The following COL4A5 variants were observed in gnomAD, a reference collection of about 807,000 sequenced individuals.
COL4A5 encodes the protein collagen type IV alpha 5 chain, also known as collagen alpha-5(IV) chain.
A neutral mutation model predicts 130.2 loss-of-function variants in COL4A5; 26 were observed. The ratio of observed to expected loss-of-function variants is 0.20; its 90% CI spans 0.15 to 0.28. The LOEUF (loss-of-function observed/expected upper bound fraction) is 0.28, where lower values mean the gene tolerates loss of function less well. COL4A5 is among the 10% of genes least tolerant of loss of function. The pLI is 1.00. For missense variants in COL4A5, 1,131 were observed against 1,344.3 expected, an observed-to-expected ratio of 0.84 and a Z score of 2.48; for synonymous variants, 496 against 439.6, an observed-to-expected ratio of 1.13 and a Z score of -1.60.
At chrX:108,546,035 A>T (rs776017567) in intron 2 of COL4A5, among the ~76,000 whole-genome samples, 1 of 111,475 alleles carries the variant, frequency 9.0e-6, no homozygotes, top group East Asian at 2.8e-4. Context: ...TGAATACAGC[A>T]CCCTGGTGGG....
Position 108,666,603 on chromosome X carries a change from GT to G in COL4A5, c.3553+14del. 1 of 1,173,805 alleles carries G rather than the reference GT, an allele frequency of 8.5e-7. No homozygotes were observed. Among genetic ancestry groups the G allele is most frequent in the Non-Finnish European group, 1.2e-6 (1 of 868,073 alleles). On this transcript the variant is annotated intron_variant, in intron 39 of 52. Coordinates refer to ENST00000328300, the MANE Select transcript of COL4A5 (RefSeq NM_033380.3). ...ACAGAAGGGTGAACCAGGTGCTGTAGTTTTTCATTTTTCCTATTTTTCTAAT... is the reference window on the plus strand; with the variant it reads ...ACAGAAGGGTGAACCAGGTGCTGTAGTTTTCATTTTTCCTATTTTTCTAAT...
At chrX:108,551,464 C>G (rs760838292) in intron 2 of COL4A5, among the ~76,000 whole-genome samples, 1 of 111,590 alleles carries the variant, frequency 9.0e-6, no homozygotes, top group South Asian at 3.7e-4. Flanking sequence ...ATACCATTGT[C>G]TCCGTTAAAA....
At chrX:108,528,871 CAAAG>C (rs772510900) in intron 1 of COL4A5, among the ~76,000 whole-genome samples, 3 of 111,806 alleles carry the variant, frequency 2.7e-5, no homozygotes, top group Non-Finnish European at 3.8e-5. Context: ...GATGAAGAGA[CAAAG>C]AAAGGATTAG....
intron 18 of COL4A5, 83 bp from the exon 19 acceptor site, chrX:108,586,532 A>T: frequency 1.1e-6 from 1 of 911,651 alleles, no homozygotes; most frequent in Non-Finnish European, 1.6e-6. Flanking sequence ...CATTGTAATC[A>T]TATGTAGCTC....
Position 108,606,773 on chromosome X carries a change from C to G in COL4A5, c.2276C>G (p.Pro759Arg), listed in dbSNP as rs1401744089. The change falls in exon 29 of 53, where the codon CCT becomes CGT. Residue 759 changes from proline (P) to arginine (R), a missense_variant. By Grantham distance (103) the Pro-to-Arg change is moderately radical. Coordinates refer to ENST00000328300, the MANE Select transcript of COL4A5 (RefSeq NM_033380.3). ...GEPGFALPGP[P>R]GPPGLPGFKG... ...CCAGGATTTGCATTACCTGGGCCACCTGGGCCACCAGGACTTCCAGGTTTC... is the reference window on the plus strand; with the variant it reads ...CCAGGATTTGCATTACCTGGGCCACGTGGGCCACCAGGACTTCCAGGTTTC... 1.7e-6 allele frequency: 2 copies of G among 1,211,567 alleles called. No individual in the cohort carries two copies. The highest frequency in any genetic ancestry group is 2.2e-6 in the Non-Finnish European group (2 of 895,366).
intron 28 of COL4A5, among the ~76,000 whole-genome samples, chrX:108,605,766 G>A (rs980384530): frequency 8.9e-6 from 1 of 112,034 alleles, no homozygotes; most frequent in Non-Finnish European, 1.9e-5. Flanking sequence ...TGTCATCTCT[G>A]TTCATGCCTG....
In COL4A5 at chrX:108,449,193, A is replaced by G. The variant is rs776023716; in HGVS notation, c.81+8987A>G. On this transcript the variant is annotated intron_variant, in intron 1 of 52. Coordinates refer to ENST00000328300, the MANE Select transcript of COL4A5 (RefSeq NM_033380.3). ...CCTGCCCTGCGTCTGGCCAAAACAC[A>G]TTGCTACCTAGAAAAGTTGGAGGGT... Among the ~76,000 whole-genome samples, 3 of 111,941 alleles carry G rather than the reference A, an allele frequency of 2.7e-5. No homozygotes were observed. In the East Asian group the frequency reaches 8.4e-4, roughly 31 times the overall value.
At chrX:108,604,574 C>A (rs771649928) in intron 28 of COL4A5, among the ~76,000 whole-genome samples, 10 of 111,616 alleles carry the variant, frequency 9.0e-5, no homozygotes, top group Non-Finnish European at 1.9e-4. Context: ...TTCGTAAGGC[C>A]CTAGAATTTT....
At chrX:108,559,010 C>A in intron 2 of COL4A5, 54 bp from the exon 3 acceptor site, 1 of 944,471 alleles carries the variant, frequency 1.1e-6, no homozygotes, top group Non-Finnish European at 1.5e-6. Context: ...CTCAACCATG[C>A]CTGTGCTTGA....
rs905939817 is a variant in COL4A5 at position 108,521,074 on chromosome X, T to C, written c.82-18672T>C. Among the ~76,000 whole-genome samples, 13 of 111,875 alleles carry C rather than the reference T, an allele frequency of 1.2e-4. No individual in the cohort carries two copies. The East Asian group carries it at 3.4e-3, about 29-fold the overall frequency. On this transcript the variant is annotated intron_variant, in intron 1 of 52. Transcript: ENST00000328300. ...CAGACACTTTATATGCATAAATACC[T>C]GAGCATGCATCATGCCTCACCTAAG...
At chrX:108,667,716 T>C (rs1203518616) in intron 40 of COL4A5, among the ~76,000 whole-genome samples, 3 of 110,457 alleles carry the variant, frequency 2.7e-5, no homozygotes. Flanking sequence ...TGGAGACTTT[T>C]CTCAAACCAT....
intron 36 of COL4A5, among the ~76,000 whole-genome samples, chrX:108,644,895 G>A (rs186409388): frequency 1.1e-3 from 98 of 92,708 alleles, no homozygotes; most frequent in Middle Eastern, 5.9e-3. Context: ...ACAAGACTCC[G>A]TCTCCAAACA....
At chrX:108,519,901 C>A (rs2065250567) in intron 1 of COL4A5, among the ~76,000 whole-genome samples, 1 of 111,474 alleles carries the variant, frequency 9.0e-6, no homozygotes, top group Admixed American at 9.6e-5. Context: ...TCATATCCAG[C>A]AACTTTGCTA....
chrX:108,612,556 T>C (rs1333434187), intron 29 of COL4A5, among the ~76,000 whole-genome samples: 1 of 111,562 alleles, frequency 9.0e-6, no homozygotes, highest in Non-Finnish European at 1.9e-5. Flanking sequence ...TACAATAGCA[T>C]CAAATGACAT....
At chrX:108,575,829 C>G (rs756216830) in intron 9 of COL4A5, 81 bp from the exon 10 acceptor site, 42 of 695,876 alleles carry the variant, frequency 6.0e-5, no homozygotes, top group Non-Finnish European at 8.7e-5. Context: ...ACAAGTGAGA[C>G]TTTGTGTAAA....
intron 47 of COL4A5, 114 bp downstream of exon 47, chrX:108,682,002 A>G: frequency 1.4e-6 from 1 of 696,658 alleles, no homozygotes; most frequent in Non-Finnish European, 2.2e-6. Context: ...GGTTTGCTGC[A>G]CCTATCAACC....
chrX:108,626,146 AT>A, intron 35 of COL4A5, 63 bp from the exon 36 acceptor site: 1 of 1,086,692 alleles, frequency 9.2e-7, no homozygotes. Context: ...TGTCATATGC[AT>A]CTTAGATAAT....
chrX:108,560,395 C>CGT (rs939744501), intron 3 of COL4A5, among the ~76,000 whole-genome samples: 8 of 112,720 alleles, frequency 7.1e-5, no homozygotes, highest in African/African-American at 2.6e-4. Flanking sequence ...ATATGGTTAG[C>CGT]TAACACTATG....
chrX:108,680,455 A>G (rs922997778), intron 44 of COL4A5, among the ~76,000 whole-genome samples: 1 of 111,520 alleles, frequency 9.0e-6, no homozygotes, highest in Non-Finnish European at 1.9e-5. Context: ...TATGAAGTAA[A>G]TACTGTTATT....
Sources: gnomAD v4.1 joint callset for allele counts (sites outside exome capture counted in the v4.1 genomes callset) on GRCh38, gnomAD v4.1.1 for gene constraint, MANE v1.5 for transcripts, NCBI Gene and HGNC (gene_info 2026-07-23, HGNC 2026-07-21) for gene names.